Variants in MACROD2 observed in about 807,000 individuals in gnomAD.
MACROD2 encodes the protein ADP-ribose glycohydrolase MACROD2.
A neutral mutation model predicts 70.4 loss-of-function variants in MACROD2; 36 were observed. The ratio of observed to expected loss-of-function variants is 0.51; its 90% CI spans 0.39 to 0.68. The LOEUF (loss-of-function observed/expected upper bound fraction) is 0.68. Among genes scored for constraint, MACROD2 ranks in the 30% least tolerant of loss-of-function variants. MACROD2 has a pLI of 0.00. For synonymous variants in MACROD2, 172 were observed against 178.8 expected, an observed-to-expected ratio of 0.96 and a Z score of 0.30; for missense variants, 496 against 538.4, an observed-to-expected ratio of 0.92 and a Z score of 0.78.
At chr20:14,793,641 G>C (rs538541326) in intron 5 of MACROD2, among the ~76,000 whole-genome samples, 44 of 152,088 alleles carry the variant, frequency 2.9e-4, no homozygotes, top group African/African-American at 1.0e-3. Context: ...CCTAAGGATG[G>C]GGGAACAAAT....
At chr20:15,558,087 G>A (rs2048192530) in intron 8 of MACROD2, among the ~76,000 whole-genome samples, 1 of 152,200 alleles carries the variant, frequency 6.6e-6, no homozygotes, top group Admixed American at 6.5e-5. Flanking sequence ...ACAAGAGTCA[G>A]AAATCAGGTA....
At chr20:14,597,099 G>T (rs984432464) in intron 4 of MACROD2, among the ~76,000 whole-genome samples, 2 of 151,996 alleles carry the variant, frequency 1.3e-5, no homozygotes, top group Non-Finnish European at 2.9e-5. Context: ...GTAGATAAAA[G>T]ATATATTTTA....
At chr20:14,394,824 A>G (rs2083564719) in intron 3 of MACROD2, among the ~76,000 whole-genome samples, 1 of 152,170 alleles carries the variant, frequency 6.6e-6, no homozygotes, top group Non-Finnish European at 1.5e-5. Context: ...ATTTTGTCAA[A>G]TGCTTTTATG....
chr20:15,899,100 T>G (rs915328825), intron 10 of MACROD2, among the ~76,000 whole-genome samples: 1 of 151,896 alleles, frequency 6.6e-6, no homozygotes, highest in African/African-American at 2.4e-5. Flanking sequence ...GTGTGTGCTA[T>G]CTATATGTAT....
intron 5 of MACROD2, among the ~76,000 whole-genome samples, chr20:14,860,840 C>T (rs1271319491): frequency 1.3e-5 from 2 of 152,058 alleles, no homozygotes; most frequent in African/African-American, 2.4e-5. Flanking sequence ...CTCCACTCTC[C>T]AAAATAAATT....
chr20:15,791,451 A>C (rs913802168), intron 8 of MACROD2, among the ~76,000 whole-genome samples: 1 of 151,954 alleles, frequency 6.6e-6, no homozygotes, highest in Admixed American at 6.6e-5. Flanking sequence ...ATTTTAAAAA[A>C]AAAAGGATGT....
intron 7 of MACROD2, among the ~76,000 whole-genome samples, chr20:15,485,970 A>C (rs145502218): frequency 1.3e-5 from 2 of 152,274 alleles, no homozygotes; most frequent in East Asian, 3.9e-4. Flanking sequence ...TGATTTAAAG[A>C]AACGTATCCA....
At chr20:15,554,611 A>G (rs1488643546) in intron 8 of MACROD2, among the ~76,000 whole-genome samples, 10 of 151,810 alleles carry the variant, frequency 6.6e-5, no homozygotes, top group Non-Finnish European at 1.3e-4. Context: ...ACATGGTTAT[A>G]TAACTTGTAT....
intron 3 of MACROD2, among the ~76,000 whole-genome samples, chr20:14,480,957 A>G (rs796758289): frequency 1.3e-5 from 2 of 152,176 alleles, no homozygotes. Context: ...TTGAAATTAA[A>G]TAATTAGACT....
At chr20:15,070,447 T>C (rs557634401) in intron 5 of MACROD2, among the ~76,000 whole-genome samples, 1 of 152,192 alleles carries the variant, frequency 6.6e-6, no homozygotes, top group African/African-American at 2.4e-5. Flanking sequence ...TAGAATGATA[T>C]GGCCTGGATA....
At chr20:14,418,093 A>C (rs1211510687) in intron 3 of MACROD2, among the ~76,000 whole-genome samples, 1 of 152,068 alleles carries the variant, frequency 6.6e-6, no homozygotes, top group Non-Finnish European at 1.5e-5. Context: ...ATATTGATAT[A>C]TATTTTCCTT....
At chr20:16,027,257 T>G (rs2067093597) in intron 15 of MACROD2, among the ~76,000 whole-genome samples, 1 of 71,418 alleles carries the variant, frequency 1.4e-5, no homozygotes, top group Admixed American at 1.9e-4. Context: ...CTTCCTCTAA[T>G]GCTTCTGTAA....
At chr20:14,577,918 A>G (rs1031899297) in intron 4 of MACROD2, among the ~76,000 whole-genome samples, 10 of 152,124 alleles carry the variant, frequency 6.6e-5, no homozygotes, top group African/African-American at 1.9e-4. Context: ...GAAGAAATGG[A>G]TATCAATTCC....
intron 2 of MACROD2, among the ~76,000 whole-genome samples, chr20:14,009,394 C>T (rs745973359): frequency 6.6e-6 from 1 of 151,970 alleles, no homozygotes; most frequent in African/African-American, 2.4e-5. Flanking sequence ...AGTAATGATG[C>T]AAATGCAAAT....
chr20:14,739,851 C>T (rs1458432807), intron 5 of MACROD2, among the ~76,000 whole-genome samples: 1 of 151,744 alleles, frequency 6.6e-6, no homozygotes, highest in East Asian at 1.9e-4. Context: ...TAAAATAATA[C>T]ATAAAATGGT....
intron 6 of MACROD2, among the ~76,000 whole-genome samples, chr20:15,281,654 T>C (rs1299647545): frequency 1.3e-5 from 2 of 152,212 alleles, no homozygotes; most frequent in Non-Finnish European, 2.9e-5. Flanking sequence ...GCTACAGCCC[T>C]ATGCCTTTGC....
Position 15,885,773 on chromosome 20 carries a change from A to G in MACROD2, c.737A>G (p.Asn246Ser). The change falls in exon 10 of 18, where the codon AAT becomes AGT. Residue 246 changes from asparagine to serine, a missense_variant. Transcript: ENST00000684519. ...MNEFFSVDDN[N>S]EEEEDVEMKE... ...TCCTATTTTTTAACAGACGATAATA[A>G]TGAAGAAGAAGAGGATGTTGAAATG... 1 of 1,489,576 alleles carries G rather than the reference A, an allele frequency of 6.7e-7. No individual in the cohort carries two copies. The highest frequency in any genetic ancestry group is 8.9e-7 in the Non-Finnish European group (1 of 1,119,840). 92.3% of individuals were successfully genotyped at this position (1,489,576 alleles called of 1,614,324 possible). A position where few individuals can be genotyped will look rare whatever the true frequency, so the allele number is the denominator to read the frequency against.
chr20:14,274,906 A>G lies in MACROD2; in HGVS notation c.271+189178A>G, dbSNP rs1266229823. Among the ~76,000 whole-genome samples, 5 of 151,440 alleles carry G rather than the reference A, an allele frequency of 3.3e-5. No homozygotes were observed. In the East Asian group the frequency reaches 9.7e-4, roughly 29 times the overall value. On this transcript the variant is annotated intron_variant, in intron 3 of 17. Transcript: ENST00000684519. ...TGAACTCCCATTCACAATTGCTTCA[A>G]AGAGTATAAAATACCTAGGAATCCA...
chr20:14,372,125 C>T (rs568292363), intron 3 of MACROD2, among the ~76,000 whole-genome samples: 18 of 152,268 alleles, frequency 1.2e-4, no homozygotes, highest in African/African-American at 4.3e-4. Context: ...AGGCTTGGTC[C>T]AGAAGCAGAT....
Sources: allele counts gnomAD v4.1 joint callset (sites outside exome capture counted in the v4.1 genomes callset), GRCh38; gene constraint gnomAD v4.1.1; transcripts MANE v1.5; gene names NCBI Gene and HGNC (gene_info 2026-07-23, HGNC 2026-07-21).